Variants in TBK1 observed in about 807,000 individuals in gnomAD.
The protein encoded by TBK1 is serine/threonine-protein kinase TBK1.
A neutral mutation model predicts 99.9 loss-of-function variants in TBK1; 37 were observed. The observed-to-expected ratio is 0.37, with a 90% CI of 0.28 to 0.49. The LOEUF (loss-of-function observed/expected upper bound fraction) is 0.49. TBK1 is among the 20% of genes least tolerant of loss of function. TBK1 has a pLI of 0.98. For missense variants in TBK1, 644 were observed against 872.5 expected (o/e 0.74, Z 3.30); for synonymous variants, 258 against 279.8 (o/e 0.92, Z 0.78).
At chr12:64,464,004 G>A (rs1023734773) in intron 3 of TBK1, among the ~76,000 whole-genome samples, 3 of 151,756 alleles carry the variant, frequency 2.0e-5, no homozygotes, top group African/African-American at 7.3e-5. Context: ...GCTGGGACTA[G>A]AGGCATGTGC....
intron 2 of TBK1, among the ~76,000 whole-genome samples, chr12:64,458,512 C>CATATATATATATATATATAT (rs10626258): frequency 4.2e-4 from 60 of 144,148 alleles, no homozygotes; most frequent in African/African-American, 1.4e-3. Context: ...TGGATATATA[C>CATATATATATATATATATAT]ATATATATAT....
At chr12:64,495,650 T>C (rs1485018461) in intron 14 of TBK1, 46 bp downstream of exon 14, 1 of 1,612,872 alleles carries the variant, frequency 6.2e-7, no homozygotes, top group African/African-American at 1.3e-5. Context: ...TTAATGTCCT[T>C]TTTCACATTG....
intron 8 of TBK1, among the ~76,000 whole-genome samples, chr12:64,483,823 A>G (rs1234004293): frequency 6.6e-6 from 1 of 152,190 alleles, no homozygotes. Context: ...CCTGGCCAGC[A>G]TGGCGTAACC....
intron 20 of TBK1, among the ~76,000 whole-genome samples, chr12:64,498,868 A>G (rs1201287649): frequency 6.6e-6 from 1 of 151,154 alleles, no homozygotes; most frequent in African/African-American, 2.4e-5. Context: ...AGGCACGAGA[A>G]TCACCTGAAT....
chr12:64,468,468 G>A (rs2040628552), intron 5 of TBK1, among the ~76,000 whole-genome samples: 1 of 151,406 alleles, frequency 6.6e-6, no homozygotes, highest in Non-Finnish European at 1.5e-5. Flanking sequence ...TCCAGCCTGG[G>A]TGACAGAGCG....
At chr12:64,462,941 G>C (rs1419140074) in intron 3 of TBK1, among the ~76,000 whole-genome samples, 1 of 152,192 alleles carries the variant, frequency 6.6e-6, no homozygotes, top group Admixed American at 6.5e-5. Context: ...TTTGCTGCAA[G>C]AGGGACCACT....
intron 20 of TBK1, among the ~76,000 whole-genome samples, chr12:64,499,037 CTT>C (rs763709411): frequency 2.5e-5 from 2 of 79,270 alleles, no homozygotes; most frequent in African/African-American, 4.8e-5. Flanking sequence ...TAATTTTATT[CTT>C]TTTTTTTTTT....
At chr12:64,493,357 TG>T (rs1008964727) in intron 13 of TBK1, among the ~76,000 whole-genome samples, 10 of 149,936 alleles carry the variant, frequency 6.7e-5, no homozygotes, top group Non-Finnish European at 1.5e-4. Flanking sequence ...CAGGTCGCAG[TG>T]GTTCACACCT....
In TBK1 at chr12:64,479,639, G is replaced by C. The variant is rs186268270; in HGVS notation, c.702-373G>C. ...TTAGTTGTGCCTTTGGATAATATGG[G>C]TAAGAGGGATTATATGCTTTTTTTC... On this transcript the variant is annotated intron_variant, in intron 6 of 20. Coordinates refer to ENST00000331710, the MANE Select transcript of TBK1 (RefSeq NM_013254.4). Among the ~76,000 whole-genome samples the C allele has an allele frequency of 9.9e-5, 15 of 152,200 alleles. No individual in the cohort carries two copies. In the South Asian group the frequency reaches 3.1e-3, roughly 32 times the overall value.
At chr12:64,496,856 G>C in intron 16 of TBK1, 93 bp from the exon 17 acceptor site, 1 of 799,026 alleles carries the variant, frequency 1.3e-6, no homozygotes, top group Non-Finnish European at 2.0e-6. Context: ...AATCATTATA[G>C]GAAAGATACA....
chr12:64,468,511 C>G (rs1181859701), intron 5 of TBK1, among the ~76,000 whole-genome samples: 1 of 150,990 alleles, frequency 6.6e-6, no homozygotes, highest in East Asian at 1.9e-4. Context: ...AAAAAAAGTA[C>G]CTAAAAATGG....
intron 7 of TBK1, among the ~76,000 whole-genome samples, chr12:64,480,340 CAG>C (rs2040757576): frequency 6.6e-6 from 1 of 152,164 alleles, no homozygotes; most frequent in Non-Finnish European, 1.5e-5. Context: ...CATTAGGACA[CAG>C]GGCATACATT....
intron 7 of TBK1, among the ~76,000 whole-genome samples, chr12:64,481,047 T>C (rs2040763279): frequency 1.3e-5 from 2 of 152,186 alleles, no homozygotes; most frequent in South Asian, 2.1e-4. Context: ...GTGTGTGTTA[T>C]TTTAAAAAGT....
At chr12:64,490,922 C>CA (rs934808203) in intron 13 of TBK1, among the ~76,000 whole-genome samples, 73 of 122,038 alleles carry the variant, frequency 6.0e-4, no homozygotes, top group South Asian at 2.1e-3. Context: ...AACTCCATCT[C>CA]AAAAAAAAAA....
intron 11 of TBK1, among the ~76,000 whole-genome samples, chr12:64,488,158 A>G (rs1269900988): frequency 1.3e-5 from 2 of 152,238 alleles, no homozygotes; most frequent in African/African-American, 4.8e-5. Flanking sequence ...TACTCTGAGT[A>G]GTAAAAATTA....
At chr12:64,476,588 G>C (rs1409752385) in intron 6 of TBK1, among the ~76,000 whole-genome samples, 2 of 152,140 alleles carry the variant, frequency 1.3e-5, no homozygotes, top group Admixed American at 1.3e-4. Flanking sequence ...CAAATGCATA[G>C]TTTACAAATA....
intron 1 of TBK1, among the ~76,000 whole-genome samples, chr12:64,453,377 C>G (rs889207861): frequency 6.6e-6 from 1 of 152,060 alleles, no homozygotes; most frequent in African/African-American, 2.4e-5. Context: ...GAAGGTTTTT[C>G]GTTAGATAGT....
intron 8 of TBK1, among the ~76,000 whole-genome samples, chr12:64,483,682 G>A (rs996108739): frequency 6.6e-5 from 10 of 152,124 alleles, no homozygotes; most frequent in Admixed American, 2.0e-4. Context: ...GCTCTAAACC[G>A]CTCTGCTATG....
In TBK1 at chr12:64,465,264, A is replaced by AAAG. The variant is rs1555202820; in HGVS notation, c.358+801_358+802insAAG. 2.7e-3 allele frequency among the ~76,000 whole-genome samples: 406 copies of AAAG among 150,560 alleles called. 4 individuals are homozygous for AAAG. Among genetic ancestry groups the AAAG allele is most frequent in the African/African-American group, 9.5e-3 (389 of 40,748 alleles). On this transcript the variant is annotated intron_variant, in intron 4 of 20. Transcript: ENST00000331710. ...TCTCAAAAAAAAAAAAAAAAAAAAA[A>AAAG]CAAGTGTTGGCAAGAATATGGAGAA...
Sources: gnomAD v4.1 joint callset for allele counts (sites outside exome capture counted in the v4.1 genomes callset) on GRCh38, gnomAD v4.1.1 for gene constraint, MANE v1.5 for transcripts, NCBI Gene and HGNC (gene_info 2026-07-23, HGNC 2026-07-21) for gene names.